UBE2E2: variants seen among roughly 807,000 people sequenced by gnomAD.
UBE2E2 encodes ubiquitin conjugating enzyme E2 E2.
A neutral mutation model predicts 24.7 loss-of-function variants in UBE2E2; 6 were observed. The observed-to-expected ratio is 0.24, with a 90% CI of 0.13 to 0.48. The LOEUF (loss-of-function observed/expected upper bound fraction) is 0.48, where lower values mean the gene tolerates loss of function less well. Ranked by LOEUF, UBE2E2 falls within the 20% of genes least tolerant of loss-of-function variation. UBE2E2 has a pLI of 0.99. For synonymous variants in UBE2E2, 104 were observed against 83.6 expected (o/e 1.24, Z -1.33); for missense variants, 169 against 245.0 (o/e 0.69, Z 2.07).
At chr3:23,475,691 C>T (rs1699117440) in intron 3 of UBE2E2, among the ~76,000 whole-genome samples, 1 of 152,012 alleles carries the variant, frequency 6.6e-6, no homozygotes, top group South Asian at 2.1e-4. Context: ...TGGAAGCATA[C>T]TCTTGGGTGG....
chr3:23,473,868 T>G (rs1465118289), intron 3 of UBE2E2, among the ~76,000 whole-genome samples: 1 of 152,126 alleles, frequency 6.6e-6, no homozygotes, highest in East Asian at 1.9e-4. Context: ...TAAACATGCA[T>G]GTACAAGTAC....
At chr3:23,475,476 A>G (rs1339801992) in intron 3 of UBE2E2, among the ~76,000 whole-genome samples, 14 of 152,012 alleles carry the variant, frequency 9.2e-5, no homozygotes, top group Admixed American at 9.2e-4. Flanking sequence ...GTCACTATAA[A>G]GCCCTGTAAC....
At chr3:23,355,820 A>G (rs1408502051) in intron 3 of UBE2E2, among the ~76,000 whole-genome samples, 1 of 152,192 alleles carries the variant, frequency 6.6e-6, no homozygotes, top group African/African-American at 2.4e-5. Flanking sequence ...GCTACGATTC[A>G]TGTGTATTTA....
intron 3 of UBE2E2, among the ~76,000 whole-genome samples, chr3:23,328,120 T>C (rs1273637254): frequency 6.6e-6 from 1 of 152,016 alleles, no homozygotes; most frequent in Admixed American, 6.6e-5. Flanking sequence ...AATATGAAAA[T>C]CAATGCAACA....
chr3:23,353,945 A>G (rs933682562), intron 3 of UBE2E2, among the ~76,000 whole-genome samples: 34 of 152,200 alleles, frequency 2.2e-4, no homozygotes, highest in Admixed American at 6.5e-4. Context: ...CCTAAGCCAA[A>G]AGAACAAAGC....
intron 1 of UBE2E2, chr3:23,204,666 C>A: frequency 4.1e-6 from 4 of 982,080 alleles, no homozygotes; most frequent in Non-Finnish European, 3.6e-6. Context: ...AATGCCATAC[C>A]CCATTCTCTT....
At chr3:23,365,863 T>C (rs1696244844) in intron 3 of UBE2E2, among the ~76,000 whole-genome samples, 1 of 152,142 alleles carries the variant, frequency 6.6e-6, no homozygotes, top group Admixed American at 6.5e-5. Context: ...CTTCAAACTA[T>C]ATTACAAGGC....
At chr3:23,563,981 A>AAGAAAGAAAGAC (rs1439023687) in intron 5 of UBE2E2, among the ~76,000 whole-genome samples, 1 of 151,542 alleles carries the variant, frequency 6.6e-6, no homozygotes, top group Non-Finnish European at 1.5e-5. Context: ...AAAAGAAAGA[A>AAGAAAGAAAGAC]AGAAAGAAAA....
At chr3:23,369,990 C>A (rs1307058698) in intron 3 of UBE2E2, among the ~76,000 whole-genome samples, 1 of 152,022 alleles carries the variant, frequency 6.6e-6, no homozygotes, top group Non-Finnish European at 1.5e-5. Context: ...ACTAATATCC[C>A]CATGTGGGAA....
At chr3:23,327,361 C>T (rs1320423842) in intron 3 of UBE2E2, among the ~76,000 whole-genome samples, 1 of 152,136 alleles carries the variant, frequency 6.6e-6, no homozygotes, top group African/African-American at 2.4e-5. Flanking sequence ...TTAATGATCG[C>T]CATTCTAACT....
chr3:23,227,276 T>G (rs749988746), intron 3 of UBE2E2, among the ~76,000 whole-genome samples: 3 of 152,200 alleles, frequency 2.0e-5, no homozygotes, highest in Non-Finnish European at 4.4e-5. Flanking sequence ...ACTCTCTGGT[T>G]GTATTTGATT....
intron 3 of UBE2E2, among the ~76,000 whole-genome samples, chr3:23,440,466 C>T (rs1322145079): frequency 6.6e-6 from 1 of 152,162 alleles, no homozygotes. Context: ...TGCATTATCT[C>T]CATGTTAACA....
At chr3:23,447,743 G>A (rs191729909) in intron 3 of UBE2E2, among the ~76,000 whole-genome samples, 5 of 152,046 alleles carry the variant, frequency 3.3e-5, no homozygotes, top group Admixed American at 3.3e-4. Context: ...CTTTCAAGAA[G>A]AGTAATATAA....
At chr3:23,534,348 T>C in intron 5 of UBE2E2, 1 of 596,582 alleles carries the variant, frequency 1.7e-6, no homozygotes, top group African/African-American at 2.0e-5. Flanking sequence ...TTTTGCTCCG[T>C]TTCAGAAAAT....
intron 3 of UBE2E2, among the ~76,000 whole-genome samples, chr3:23,405,036 A>G (rs1030749070): frequency 2.0e-5 from 3 of 152,216 alleles, no homozygotes; most frequent in African/African-American, 7.2e-5. Flanking sequence ...TGTGGAACAA[A>G]GCTGGAATTT....
intron 4 of UBE2E2, among the ~76,000 whole-genome samples, chr3:23,518,637 G>A (rs1289270832): frequency 5.9e-5 from 9 of 152,096 alleles, no homozygotes; most frequent in South Asian, 2.1e-4. Context: ...TCCCCTCTCC[G>A]ATATTCTCCA....
chr3:23,386,421 A>G (rs1445514344), intron 3 of UBE2E2, among the ~76,000 whole-genome samples: 2 of 152,216 alleles, frequency 1.3e-5, no homozygotes, highest in Non-Finnish European at 2.9e-5. Context: ...AGATCTCAAC[A>G]TATGAATTTA....
At chr3:23,306,134 A>G (rs771325850) in intron 3 of UBE2E2, among the ~76,000 whole-genome samples, 6 of 152,222 alleles carry the variant, frequency 3.9e-5, no homozygotes, top group Non-Finnish European at 8.8e-5. Flanking sequence ...GGCCACTGAA[A>G]TATTTAAAAG....
chr3:23,343,448 C>T (rs1695459022), intron 3 of UBE2E2, among the ~76,000 whole-genome samples: 1 of 152,064 alleles, frequency 6.6e-6, no homozygotes, highest in Non-Finnish European at 1.5e-5. Flanking sequence ...TCGTGGCACT[C>T]ACCTGTAGTC....
Sources: allele counts gnomAD v4.1 joint callset (sites outside exome capture counted in the v4.1 genomes callset), GRCh38; gene constraint gnomAD v4.1.1; transcripts MANE v1.5; gene names NCBI Gene and HGNC (gene_info 2026-07-23, HGNC 2026-07-21).